The following CAST variants were observed in gnomAD, a reference collection of about 807,000 sequenced individuals.
The protein encoded by CAST is calpastatin, also known as MIR583 host.
In CAST, 76 loss-of-function variants were observed where a neutral mutation model predicts 119.6. The ratio of observed to expected loss-of-function variants is 0.64; its 90% CI spans 0.53 to 0.77. CAST has a LOEUF of 0.77. Ranked by LOEUF, CAST falls within the 30% of genes least tolerant of loss-of-function variation. The pLI, the probability that CAST is intolerant of heterozygous loss-of-function variation, is 0.00. For missense variants in CAST, 953 were observed against 946.5 expected, an observed-to-expected ratio of 1.01 and a Z score of -0.09; for synonymous variants, 319 against 331.6, an observed-to-expected ratio of 0.96 and a Z score of 0.41.
chr5:96,056,467 C>A, the CAST span, among the ~76,000 whole-genome samples: 2 of 152,144 alleles, frequency 1.3e-5, no homozygotes, highest in Non-Finnish European at 2.9e-5. Flanking sequence ...GCTCCAAAGA[C>A]CTGATGTGGA....
chr5:96,675,191 A>G (rs1002313851), intron 1 of CAST, among the ~76,000 whole-genome samples: 2 of 152,212 alleles, frequency 1.3e-5, no homozygotes, highest in African/African-American at 4.8e-5. Flanking sequence ...GCTTCAGATG[A>G]AACATGGTTC....
intron 9 of CAST, among the ~76,000 whole-genome samples, chr5:96,732,644 G>T (rs914938490): frequency 6.6e-6 from 1 of 152,064 alleles, no homozygotes; most frequent in East Asian, 1.9e-4. Flanking sequence ...TAGGTCTAAC[G>T]TCTGATCTTT....
the CAST span, among the ~76,000 whole-genome samples, chr5:96,236,152 T>C: frequency 6.6e-6 from 1 of 152,228 alleles, no homozygotes; most frequent in African/African-American, 2.4e-5. Flanking sequence ...CATCCATCCA[T>C]CTATCTACCT....
intron 1 of CAST, among the ~76,000 whole-genome samples, chr5:96,572,534 G>C (rs1055259374): frequency 6.6e-6 from 1 of 152,094 alleles, no homozygotes. Context: ...ACTTCACTTT[G>C]TGCAAAAGCT....
At chr5:96,676,795 C>T (rs1271466834) in intron 2 of CAST, among the ~76,000 whole-genome samples, 1 of 151,756 alleles carries the variant, frequency 6.6e-6, no homozygotes, top group African/African-American at 2.4e-5. Context: ...TGGCTCATGC[C>T]TGTAATCCCA....
chr5:96,308,732 G>T, the CAST span: 1 of 152,460 alleles, frequency 6.6e-6, no homozygotes, highest in East Asian at 1.9e-4. Context: ...AGGTCTGCTG[G>T]AGTTTGCTGG....
intron 1 of CAST, among the ~76,000 whole-genome samples, chr5:96,590,328 T>C (rs1229160448): frequency 6.6e-6 from 1 of 152,194 alleles, no homozygotes; most frequent in African/African-American, 2.4e-5. Context: ...ACATTGATAC[T>C]TGGAAGGGCT....
chr5:96,576,205 C>T (rs963768439), intron 1 of CAST, among the ~76,000 whole-genome samples: 1 of 152,074 alleles, frequency 6.6e-6, no homozygotes, highest in Non-Finnish European at 1.5e-5. Context: ...ATTTTGGTAT[C>T]GGGGCAACAC....
the CAST span, among the ~76,000 whole-genome samples, chr5:96,386,713 C>G: frequency 6.6e-6 from 1 of 152,236 alleles, no homozygotes; most frequent in Non-Finnish European, 1.5e-5. Flanking sequence ...GCCTATAATT[C>G]CAGCACTTTG....
At chr5:96,293,379 G>A in the CAST span, among the ~76,000 whole-genome samples, 1 of 152,130 alleles carries the variant, frequency 6.6e-6, no homozygotes, top group Non-Finnish European at 1.5e-5. Flanking sequence ...TCCGTTTCAA[G>A]TGATTCTCCT....
At chr5:96,737,505 ATTTTGTTTTG>A (rs998533288) in intron 10 of CAST, among the ~76,000 whole-genome samples, 6 of 152,098 alleles carry the variant, frequency 3.9e-5, no homozygotes, top group Non-Finnish European at 8.8e-5. Flanking sequence ...AATTCCCTGT[ATTTTGTTTTG>A]TTTTGTTTTG....
the CAST span, among the ~76,000 whole-genome samples, chr5:96,342,373 A>G: frequency 2.7e-4 from 41 of 152,308 alleles, no homozygotes; most frequent in African/African-American, 9.1e-4. Flanking sequence ...GGATTGTTAA[A>G]ACAGAGTGCT....
chr5:96,023,835 ATT>A, the CAST span, among the ~76,000 whole-genome samples: 1,287 of 152,250 alleles, frequency 8.5e-3, 24 homozygotes, highest in African/African-American at 0.03. Context: ...GATAGATGAA[ATT>A]TTTTGTTTCC....
chr5:96,363,991 T>A, the CAST span, among the ~76,000 whole-genome samples: 15 of 152,188 alleles, frequency 9.9e-5, no homozygotes, highest in Non-Finnish European at 1.8e-4. Context: ...GCTCTTATTA[T>A]TTTGAGATAC....
chr5:96,263,687 A>G, the CAST span, among the ~76,000 whole-genome samples: 1 of 152,170 alleles, frequency 6.6e-6, no homozygotes, highest in Non-Finnish European at 1.5e-5. Flanking sequence ...GTATTAGTCC[A>G]TTTTTACACT....
chr5:95,968,211 CTCTT>C, the CAST span, among the ~76,000 whole-genome samples: 2 of 152,146 alleles, frequency 1.3e-5, no homozygotes, highest in South Asian at 2.1e-4. Context: ...ATTTGAATAA[CTCTT>C]TCCACACAAA....
At chr5:96,688,747 T>C (rs777030569) in intron 2 of CAST, among the ~76,000 whole-genome samples, 5 of 152,196 alleles carry the variant, frequency 3.3e-5, no homozygotes, top group Non-Finnish European at 5.9e-5. Flanking sequence ...TTATTTCTTC[T>C]TCCTACTTTT....
intron 1 of CAST, among the ~76,000 whole-genome samples, chr5:96,649,442 C>A (rs1243502120): frequency 1.3e-5 from 2 of 152,122 alleles, no homozygotes; most frequent in African/African-American, 4.8e-5. Context: ...GGGAATGTAA[C>A]CTCTCCCAGG....
the CAST span, among the ~76,000 whole-genome samples, chr5:96,091,030 G>A: frequency 1.3e-5 from 2 of 151,910 alleles, no homozygotes; most frequent in African/African-American, 2.4e-5. Flanking sequence ...GAGATGCCTG[G>A]GGGGAAGGTA....
Sources: allele counts gnomAD v4.1 joint callset (sites outside exome capture counted in the v4.1 genomes callset), GRCh38; gene constraint gnomAD v4.1.1; transcripts MANE v1.5; gene names NCBI Gene and HGNC (gene_info 2026-07-23, HGNC 2026-07-21).